The following TEX9 variants were observed in gnomAD, a reference collection of about 807,000 sequenced individuals.
TEX9 encodes the protein testis-expressed protein 9.
Under a neutral mutation model 59.6 loss-of-function variants are expected in TEX9, and 74 were observed. The ratio of observed to expected loss-of-function variants is 1.24; its 90% CI spans 1.03 to 1.51. The LOEUF (loss-of-function observed/expected upper bound fraction) is 1.51, where lower values mean the gene tolerates loss of function less well. TEX9 is among the 40% of genes most tolerant of loss of function. The probability of loss-of-function intolerance (pLI) is 0.00; values close to 1 mark genes in which losing one functional copy is unlikely to be tolerated. For missense variants in TEX9, 522 were observed against 447.8 expected (o/e 1.17, Z -1.49); for synonymous variants, 186 against 152.2 (o/e 1.22, Z -1.64).
chr15:56,452,755 C>T, the TEX9 span, among the ~76,000 whole-genome samples: 2 of 151,966 alleles, frequency 1.3e-5, no homozygotes, highest in Non-Finnish European at 2.9e-5. Context: ...CCTGACCCTG[C>T]GATCCACTCA....
chr15:56,437,466 CAAAAT>C (rs1307121590), intron 12 of TEX9, among the ~76,000 whole-genome samples: 1 of 152,120 alleles, frequency 6.6e-6, no homozygotes, highest in Non-Finnish European at 1.5e-5. Flanking sequence ...GGACATATCT[CAAAAT>C]AATAAGAGCT....
intron 10 of TEX9, among the ~76,000 whole-genome samples, chr15:56,418,076 A>T (rs1314762670): frequency 6.6e-6 from 1 of 151,892 alleles, no homozygotes; most frequent in Non-Finnish European, 1.5e-5. Context: ...GAGTCATTAA[A>T]TGTCAGATGG....
chr15:56,284,404 G>C (rs761998813), intron 1 of TEX9, among the ~76,000 whole-genome samples: 1 of 152,012 alleles, frequency 6.6e-6, no homozygotes, highest in Admixed American at 6.6e-5. Flanking sequence ...GTAAGATACT[G>C]GCTAAGTAAA....
At chr15:56,372,768 T>C (rs1267171750) in intron 2 of TEX9, among the ~76,000 whole-genome samples, 1 of 152,156 alleles carries the variant, frequency 6.6e-6, no homozygotes, top group Non-Finnish European at 1.5e-5. Context: ...TTAAAAACAA[T>C]TTTTTTCAAT....
intron 9 of TEX9, among the ~76,000 whole-genome samples, chr15:56,401,131 A>G (rs1388790876): frequency 1.3e-5 from 2 of 152,016 alleles, no homozygotes; most frequent in African/African-American, 4.8e-5. Flanking sequence ...ACACATAACA[A>G]TATTAACCTT....
At chr15:56,418,840 C>T (rs1020247266) in intron 10 of TEX9, among the ~76,000 whole-genome samples, 1 of 151,806 alleles carries the variant, frequency 6.6e-6, no homozygotes, top group South Asian at 2.1e-4. Flanking sequence ...AGCAAGTAAC[C>T]AAGCCAATAA....
At chr15:56,384,214 T>A (rs2047863938) in intron 4 of TEX9, among the ~76,000 whole-genome samples, 183 bp downstream of exon 4, 1 of 152,252 alleles carries the variant, frequency 6.6e-6, no homozygotes, top group Admixed American at 6.5e-5. Context: ...AAAATATTAT[T>A]TTGAAATGTA....
In TEX9 at chr15:56,332,083, C is replaced by T. The variant is rs1215735497; in HGVS notation, c.-106-41358C>T. ...GTGGCGATTCCTCAGGGATCTAGAA[C>T]TGGAAATACCATTTGACCCAGCCAT... On this transcript the variant is annotated intron_variant, in intron 1 of 5. Transcript: ENST00000560827. Among the ~76,000 whole-genome samples the T allele has an allele frequency of 2.3e-5, 3 of 130,406 alleles. No individual in the cohort carries two copies. The South Asian group carries it at 8.7e-4, about 38-fold the overall frequency. 85.6% of individuals were successfully genotyped at this position (130,406 alleles called of 152,430 possible). A position where few individuals can be genotyped will look rare whatever the true frequency, so the allele number is the denominator to read the frequency against.
the TEX9 span, among the ~76,000 whole-genome samples, chr15:56,452,813 C>T: frequency 3.3e-5 from 5 of 152,098 alleles, no homozygotes; most frequent in Non-Finnish European, 7.4e-5. Flanking sequence ...CCACCGCACC[C>T]GGCCTAATCC....
chr15:56,290,836 G>A (rs2045073493), intron 1 of TEX9, among the ~76,000 whole-genome samples: 1 of 151,344 alleles, frequency 6.6e-6, no homozygotes, highest in South Asian at 2.1e-4. Context: ...TCTTTAATAG[G>A]CTCTTGAGCC....
Position 56,443,449 on chromosome 15 carries a change from A to G in TEX9, c.*30-2222A>G, listed in dbSNP as rs756376680. On this transcript the variant is annotated intron_variant, in intron 12 of 12. Coordinates refer to ENST00000352903, the Ensembl canonical transcript of TEX9. The stretch of plus-strand genomic sequence containing the variant: ...ACTTACTTTTAGCTTGCTCTTATAT[A>G]TTTCAGCTTGTTCTTCCTGGTATAA... 8 of 1,587,136 alleles carry G rather than the reference A, an allele frequency of 5.0e-6. No homozygotes were observed. The African/African-American group carries it at 1.1e-4, about 22-fold the overall frequency.
chr15:56,261,896 G>A (rs1457044540), intron 1 of TEX9, among the ~76,000 whole-genome samples: 1 of 152,154 alleles, frequency 6.6e-6, no homozygotes, highest in Admixed American at 6.5e-5. Context: ...CTGTTGTAGA[G>A]GGCACTGCTG....
At chr15:56,352,753 G>C (rs1471978842) in intron 1 of TEX9, among the ~76,000 whole-genome samples, 1 of 152,054 alleles carries the variant, frequency 6.6e-6, no homozygotes, top group Admixed American at 6.6e-5. Flanking sequence ...TCATATCAGA[G>C]ATATATTATT....
intron 1 of TEX9, among the ~76,000 whole-genome samples, chr15:56,277,091 G>T (rs1249204195): frequency 2.6e-5 from 4 of 151,630 alleles, no homozygotes; most frequent in Non-Finnish European, 5.9e-5. Flanking sequence ...TGGATAGATT[G>T]CAACAATTTT....
intron 1 of TEX9, among the ~76,000 whole-genome samples, chr15:56,258,823 G>C (rs1252276007): frequency 6.6e-6 from 1 of 150,638 alleles, no homozygotes; most frequent in Non-Finnish European, 1.5e-5. Context: ...TTATTGATTT[G>C]CCTTTTTCTT....
intron 4 of TEX9, among the ~76,000 whole-genome samples, chr15:56,387,863 T>C (rs916710029): frequency 2.0e-5 from 3 of 151,958 alleles, no homozygotes; most frequent in African/African-American, 7.2e-5. Context: ...TTTGCAGACC[T>C]CCATAAACAC....
At chr15:56,286,988 A>G (rs1275138646) in intron 1 of TEX9, among the ~76,000 whole-genome samples, 2 of 152,160 alleles carry the variant, frequency 1.3e-5, no homozygotes, top group Non-Finnish European at 2.9e-5. Context: ...GGATAGGGGA[A>G]ATCCAATTTG....
intron 12 of TEX9, chr15:56,429,260 T>G: frequency 1.0e-6 from 1 of 1,004,766 alleles, no homozygotes; most frequent in South Asian, 1.4e-5. Context: ...CTTTTAAGAC[T>G]GACAGACATA....
chr15:56,316,842 T>C (rs1294405200), intron 1 of TEX9, among the ~76,000 whole-genome samples: 1 of 152,218 alleles, frequency 6.6e-6, no homozygotes, highest in Non-Finnish European at 1.5e-5. Flanking sequence ...GTGCGGGATA[T>C]AATCTCGTGG....
Sources: gnomAD v4.1 joint callset for allele counts (sites outside exome capture counted in the v4.1 genomes callset) on GRCh38, gnomAD v4.1.1 for gene constraint, MANE v1.5 for transcripts, NCBI Gene and HGNC (gene_info 2026-07-23, HGNC 2026-07-21) for gene names.